The following TRAPPC9 variants were observed in gnomAD, a reference collection of about 807,000 sequenced individuals.
The protein encoded by TRAPPC9 is IKK2 binding protein.
TRAPPC9 carries 83 observed loss-of-function variants against 124.0 expected under a neutral mutation model. That is an observed-to-expected ratio of 0.67 (90% CI 0.56 to 0.80). The LOEUF is 0.80. TRAPPC9 is among the 30% of genes least tolerant of loss of function. TRAPPC9 has a pLI of 0.00. For missense variants in TRAPPC9, 1,302 were observed against 1,508.3 expected (o/e 0.86, Z 2.27); for synonymous variants, 638 against 617.5 (o/e 1.03, Z -0.49).
chr8:139,957,500 C>G (rs77958452), intron 19 of TRAPPC9, among the ~76,000 whole-genome samples: 1,861 of 152,304 alleles, frequency 0.012, 23 homozygotes, highest in African/African-American at 0.029. Flanking sequence ...AGGTAGGGCA[C>G]GCTGTGTCTG....
At chr8:140,072,484 C>T (rs1357393910) in intron 17 of TRAPPC9, among the ~76,000 whole-genome samples, 1 of 151,380 alleles carries the variant, frequency 6.6e-6, no homozygotes, top group Non-Finnish European at 1.5e-5. Flanking sequence ...CGCCACTGCA[C>T]CCCAGTCTGG....
intron 17 of TRAPPC9, among the ~76,000 whole-genome samples, chr8:140,214,839 CAT>C (rs1286397124): frequency 3.3e-5 from 5 of 152,164 alleles, no homozygotes; most frequent in African/African-American, 1.2e-4. Flanking sequence ...CTGAGAAACA[CAT>C]GTTATCTTTC....
At chr8:140,231,363 C>G (rs370457765) in intron 16 of TRAPPC9, among the ~76,000 whole-genome samples, 3 of 151,594 alleles carry the variant, frequency 2.0e-5, no homozygotes, top group East Asian at 3.9e-4. Context: ...GAATTAATGA[C>G]TTCATGAATG....
intron 19 of TRAPPC9, among the ~76,000 whole-genome samples, chr8:139,979,831 C>T (rs553829609): frequency 1.3e-5 from 2 of 152,264 alleles, no homozygotes; most frequent in Admixed American, 1.3e-4. Context: ...TGGCCTAAAG[C>T]GGGGCTTGAG....
chr8:140,303,154 G>A (rs921807379), intron 10 of TRAPPC9, among the ~76,000 whole-genome samples: 5 of 152,122 alleles, frequency 3.3e-5, no homozygotes, highest in African/African-American at 9.7e-5. Context: ...AGTTTTAAAC[G>A]TATCAAAGCA....
At chr8:139,781,477 A>T (rs960941978) in intron 21 of TRAPPC9, among the ~76,000 whole-genome samples, 1 of 152,272 alleles carries the variant, frequency 6.6e-6, no homozygotes, top group South Asian at 2.1e-4. Flanking sequence ...GGTACAAAGA[A>T]GGATAAACAG....
intron 17 of TRAPPC9, among the ~76,000 whole-genome samples, chr8:140,056,642 T>C (rs960780690): frequency 4.6e-5 from 7 of 152,034 alleles, no homozygotes; most frequent in African/African-American, 1.7e-4. Flanking sequence ...CTTTATCTTA[T>C]ACCATACACA....
At chr8:140,243,337 G>GA (rs1273604367) in intron 16 of TRAPPC9, among the ~76,000 whole-genome samples, 1 of 152,364 alleles carries the variant, frequency 6.6e-6, no homozygotes, top group East Asian at 1.9e-4. Context: ...TATCCCAGAG[G>GA]AAAGAGGGGA....
chr8:140,399,736 G>T (rs573453620), intron 6 of TRAPPC9, among the ~76,000 whole-genome samples: 2 of 152,306 alleles, frequency 1.3e-5, no homozygotes, highest in African/African-American at 4.8e-5. Flanking sequence ...GGACTTCTGA[G>T]TCACTGCTGA....
intron 19 of TRAPPC9, among the ~76,000 whole-genome samples, chr8:139,949,511 A>G (rs1834497268): frequency 1.3e-5 from 2 of 152,242 alleles, no homozygotes; most frequent in South Asian, 4.1e-4. Context: ...ATCAATCGAT[A>G]AACCACTAAA....
chr8:140,317,067 TCTC>T (rs959680781), intron 9 of TRAPPC9, among the ~76,000 whole-genome samples: 1 of 152,204 alleles, frequency 6.6e-6, no homozygotes, highest in Non-Finnish European at 1.5e-5. Flanking sequence ...GTTGTAAATT[TCTC>T]CTTTTTGATC....
rs775480108 is a variant in TRAPPC9, at chr8:140,023,921, G to T, written c.2699+16C>A. The T allele has an allele frequency of 3.7e-6, 6 of 1,613,934 alleles. No homozygotes were observed. Among genetic ancestry groups the T allele is most frequent in the Non-Finnish European group, 4.2e-6 (5 of 1,179,866 alleles). On this transcript the variant is annotated intron_variant, in intron 18 of 22. Coordinates refer to ENST00000438773, the MANE Select transcript of TRAPPC9 (RefSeq NM_001160372.4). The stretch of plus-strand genomic sequence containing the variant: ...GACTCTAGAACAAGACGGCTGTGCG[G>T]CAGGAAGACATTTACCTGGTTGCTG...
chr8:140,175,970 T>C (rs2062061584), intron 17 of TRAPPC9, among the ~76,000 whole-genome samples: 1 of 152,178 alleles, frequency 6.6e-6, no homozygotes, highest in Non-Finnish European at 1.5e-5. Flanking sequence ...GACAGACACG[T>C]AAAAGACATT....
At chr8:140,038,156 T>C (rs1290494205) in intron 17 of TRAPPC9, among the ~76,000 whole-genome samples, 1 of 151,866 alleles carries the variant, frequency 6.6e-6, no homozygotes, top group Admixed American at 6.6e-5. Context: ...ATTTTCATCA[T>C]GTGAGGAACG....
chr8:140,327,534 A>T (rs986739948), intron 9 of TRAPPC9, among the ~76,000 whole-genome samples: 3 of 152,258 alleles, frequency 2.0e-5, no homozygotes, highest in African/African-American at 7.2e-5. Context: ...TGATGAACAG[A>T]TAAACAAAAT....
intron 17 of TRAPPC9, among the ~76,000 whole-genome samples, chr8:140,026,282 C>T (rs1005782843): frequency 3.3e-5 from 5 of 152,268 alleles, no homozygotes; most frequent in African/African-American, 4.8e-5. Flanking sequence ...CCCCTTGGCT[C>T]GTGTGAACAG....
chr8:140,042,927 C>T (rs1007049736), intron 17 of TRAPPC9, among the ~76,000 whole-genome samples: 15 of 152,332 alleles, frequency 9.8e-5, no homozygotes, highest in South Asian at 2.1e-4. Context: ...CCTAGGTGAA[C>T]GGCTCCCATC....
chr8:140,445,015 A>T (rs1326412850), intron 2 of TRAPPC9, among the ~76,000 whole-genome samples: 3 of 152,088 alleles, frequency 2.0e-5, no homozygotes, highest in African/African-American at 7.2e-5. Context: ...CACAGGCTAC[A>T]TACTGCCAAC....
chr8:139,946,658 G>GA (rs1174301970), intron 19 of TRAPPC9, among the ~76,000 whole-genome samples: 2 of 150,354 alleles, frequency 1.3e-5, no homozygotes, highest in Admixed American at 6.6e-5. Flanking sequence ...AGATATGAGA[G>GA]TATCCGCAGA....
Sources: allele counts gnomAD v4.1 joint callset (sites outside exome capture counted in the v4.1 genomes callset), GRCh38; gene constraint gnomAD v4.1.1; transcripts MANE v1.5; gene names NCBI Gene and HGNC (gene_info 2026-07-23, HGNC 2026-07-21).